The following CLTCL1 variants were observed in gnomAD, a reference collection of about 807,000 sequenced individuals.
CLTCL1 encodes clathrin heavy chain like 1.
Under a neutral mutation model 190.0 loss-of-function variants are expected in CLTCL1, and 159 were observed. That is an observed-to-expected ratio of 0.84 (90% confidence interval 0.74 to 0.95). The LOEUF (loss-of-function observed/expected upper bound fraction) is 0.95. Ranked by LOEUF, CLTCL1 falls within the 40% of genes least tolerant of loss-of-function variation. CLTCL1 has a pLI of 0.00. For missense variants in CLTCL1, 1,878 were observed against 2,033.4 expected (o/e 0.92, Z 1.47); for synonymous variants, 752 against 769.6 (o/e 0.98, Z 0.38).
chr22:19,251,692 G>A (rs1555970128), intron 3 of CLTCL1, among the ~76,000 whole-genome samples: 2 of 152,108 alleles, frequency 1.3e-5, no homozygotes, highest in African/African-American at 2.4e-5. Context: ...TCCTGACCTC[G>A]TGATCCGCCC....
Position 19,196,511 on chromosome 22 carries a change from C to A in CLTCL1, c.4019G>T (p.Trp1340Leu), listed in dbSNP as rs572567479. 1 of 1,614,066 alleles carries A rather than the reference C, an allele frequency of 6.2e-7. No homozygotes were observed. Among genetic ancestry groups the A allele is most frequent in the Admixed American group, 1.7e-5 (1 of 60,028 alleles). The change falls in exon 25 of 33, where the codon TGG (tryptophan) becomes TTG (leucine). Residue 1340 changes from tryptophan to leucine, a missense_variant. Trp to Leu is a moderately conservative substitution (Grantham distance 61). Coordinates refer to ENST00000427926, the MANE Select transcript of CLTCL1 (RefSeq NM_007098.4). ...TACCTTTGGGATGTTGACACGGGAC[C>A]AGAAAAGCTCCAGATGCTCCAGCAT... ...QKMLEHLELF[W>L]SRVNIPKVLR...
intron 1 of CLTCL1, among the ~76,000 whole-genome samples, chr22:19,281,471 C>A (rs1601734647): frequency 6.6e-6 from 1 of 152,112 alleles, no homozygotes; most frequent in African/African-American, 2.4e-5. Context: ...ACAAAGAGTT[C>A]TCTCTTGGTG....
chr22:19,201,984 T>C (rs980237504), intron 22 of CLTCL1, among the ~76,000 whole-genome samples: 2 of 152,080 alleles, frequency 1.3e-5, no homozygotes, highest in Admixed American at 6.5e-5. Context: ...GTCACTGCCA[T>C]AGCCACACCT....
Position 19,179,897 on chromosome 22 carries a change from T to G in CLTCL1, c.*93A>C. 2.2e-6 allele frequency: 1 copy of G among 446,166 alleles called. No homozygotes were observed. The highest frequency in any genetic ancestry group is 4.1e-6 in the Non-Finnish European group (1 of 245,796). 27.6% of individuals were successfully genotyped at this position (446,166 alleles called of 1,614,324 possible). On this transcript the variant is annotated 3_prime_UTR_variant, in exon 33 of 33. Coordinates refer to ENST00000427926, the MANE Select transcript of CLTCL1 (RefSeq NM_007098.4). ...CCCACTACACGCGGAAGTTGTACAT[T>G]GGAGGCTGGCGAAGTTGGGAGCAGA...
intron 2 of CLTCL1, among the ~76,000 whole-genome samples, chr22:19,270,026 T>C (rs1212304288): frequency 6.6e-6 from 1 of 150,864 alleles, no homozygotes; most frequent in Non-Finnish European, 1.5e-5. Flanking sequence ...TGAGCATTGA[T>C]AGCAGCAATA....
intron 1 of CLTCL1, among the ~76,000 whole-genome samples, chr22:19,291,244 G>A (rs2088107431): frequency 1.3e-5 from 2 of 152,220 alleles, no homozygotes; most frequent in Non-Finnish European, 2.9e-5. Flanking sequence ...AGGACGCCAA[G>A]GAGGGGCGTG....
At position 19,233,448 on chromosome 22, in the gene CLTCL1, G is replaced by T. The variant is rs76099251; in HGVS notation, c.1342C>A (p.Leu448Ile). 2,623 of 1,613,698 alleles carry T rather than the reference G, an allele frequency of 1.6e-3. 56 individuals carry two copies. The East Asian group carries it at 0.048, about 29-fold the overall frequency. ...TTATCTTCTTTCAGCCACTTCTCTA[G>T]GAGTTGCTTACGCCCCTGCTGAAGA... Reference protein sequence around the residue: ...LVLQQGRKQLLEKWLKEDKLE... With the variant: ...LVLQQGRKQLIEKWLKEDKLE... The change falls in exon 8 of 33, where the codon CTA becomes ATA. Residue 448 changes from leucine to isoleucine, a missense_variant. By Grantham distance (5) the Leu-to-Ile change is conservative (BLOSUM62 2). Transcript: ENST00000427926.
chr22:19,180,698 C>T (rs782758413), intron 31 of CLTCL1, 33 bp downstream of exon 31: 4 of 1,611,056 alleles, frequency 2.5e-6, no homozygotes, highest in South Asian at 1.1e-5. Flanking sequence ...CTGCTCCCTC[C>T]CCAGGGGGTT....
At chr22:19,264,247 TAA>T (rs34703407) in intron 2 of CLTCL1, among the ~76,000 whole-genome samples, 26 of 137,468 alleles carry the variant, frequency 1.9e-4, no homozygotes, top group Admixed American at 6.6e-4. Flanking sequence ...TACAGTCTCT[TAA>T]AAAAAAAAAA....
At chr22:19,247,711 C>A (rs1555968518) in intron 3 of CLTCL1, among the ~76,000 whole-genome samples, 1 of 151,942 alleles carries the variant, frequency 6.6e-6, no homozygotes, top group African/African-American at 2.4e-5. Flanking sequence ...CAGGCACATG[C>A]CACAACTCTC....
intron 2 of CLTCL1, chr22:19,257,711 G>A (rs2086807268): frequency 1.9e-6 from 2 of 1,049,524 alleles, no homozygotes; most frequent in South Asian, 1.2e-5. Flanking sequence ...CCAGGGCCCT[G>A]GCCACTGGGA....
Position 19,263,567 on chromosome 22 carries a change from C to T in CLTCL1, c.251-9340G>A, listed in dbSNP as rs5748082. On this transcript the variant is annotated intron_variant, in intron 2 of 32. Transcript: ENST00000427926. The stretch of plus-strand genomic sequence containing the variant: ...AGGCTGGGACTACAGGCAACCGCCA[C>T]CACGCCCAGCTAATTTTTGGGTTTT... Among the ~76,000 whole-genome samples, 1,435 of 152,228 alleles carry T rather than the reference C, an allele frequency of 9.4e-3. 35 individuals carry two copies. The highest frequency in any genetic ancestry group is 0.069 in the East Asian group (356 of 5,178).
At position 19,198,985 on chromosome 22, in the gene CLTCL1, T is replaced by C. The variant is rs1427507933; in HGVS notation, c.3873+749A>G. Among the ~76,000 whole-genome samples the C allele has an allele frequency of 6.6e-6, 1 of 152,128 alleles. No individual in the cohort carries two copies. The highest frequency in any genetic ancestry group is 1.5e-5 in the Non-Finnish European group (1 of 68,034). ...CGCCTCTCTGGGGGTGGGAAAGCAT[T>C]TCTCATTGAAAAGCCATCACACCCA... On this transcript the variant is annotated intron_variant, in intron 24 of 32. Coordinates refer to ENST00000427926, the MANE Select transcript of CLTCL1 (RefSeq NM_007098.4). The surrounding 1 kb of genome is among the most constrained non-coding windows in gnomAD (Gnocchi z 4.1).
intron 26 of CLTCL1, among the ~76,000 whole-genome samples, chr22:19,191,795 G>A (rs1555932369): frequency 6.6e-6 from 1 of 152,182 alleles, no homozygotes; most frequent in Non-Finnish European, 1.5e-5. Flanking sequence ...TTCCATCCAA[G>A]CAAGATTACT....
intron 11 of CLTCL1, among the ~76,000 whole-genome samples, chr22:19,229,093 T>C (rs782174870): frequency 1.7e-4 from 26 of 152,190 alleles, no homozygotes; most frequent in Non-Finnish European, 3.2e-4. Flanking sequence ...TCTGGATATA[T>C]GCCCAAAAGA....
At chr22:19,252,608 T>A (rs923707712) in intron 3 of CLTCL1, among the ~76,000 whole-genome samples, 1 of 152,178 alleles carries the variant, frequency 6.6e-6, no homozygotes, top group Non-Finnish European at 1.5e-5. Flanking sequence ...CCTTCCCCAC[T>A]AGGCTATAGA....
rs782089790 is a variant in CLTCL1, at chr22:19,216,217, CTTCAGGA to C, written c.2952_2958del (p.Asp984GlufsTer11). 1 of 1,614,006 alleles carries C rather than the reference CTTCAGGA, an allele frequency of 6.2e-7. No homozygotes were observed. The highest frequency in any genetic ancestry group is 1.7e-5 in the Admixed American group (1 of 60,026). Reference sequence around the variant, plus strand: ...AAGGCTTTGACAGTGACCGAAATCTCTTCAGGATCCCGTGTTTCTGACAATGCTGTCT... The same window carrying C: ...AAGGCTTTGACAGTGACCGAAATCTCTCCCGTGTTTCTGACAATGCTGTCT... On this transcript the variant is annotated frameshift_variant, in exon 19 of 33. Transcript: ENST00000427926. LOFTEE classifies it high-confidence loss of function.
chr22:19,207,592 G>A (rs191907940), intron 22 of CLTCL1: 72 of 405,212 alleles, frequency 1.8e-4, no homozygotes, highest in Non-Finnish European at 2.7e-4. Flanking sequence ...CCCATGCCAC[G>A]GACCGCTGCT....
intron 5 of CLTCL1, 85 bp from the exon 6 acceptor site, chr22:19,235,954 T>C (rs2086069798): frequency 1.7e-6 from 2 of 1,174,834 alleles, no homozygotes; most frequent in Non-Finnish European, 2.4e-6. Context: ...ATAAAGAGGA[T>C]TCTTGTTTGT....
Sources: gnomAD v4.1 joint callset for allele counts (sites outside exome capture counted in the v4.1 genomes callset) on GRCh38, gnomAD v4.1.1 for gene constraint, Gnocchi (gnomAD v3.1) non-coding constraint, MANE v1.5 for transcripts, NCBI Gene and HGNC (gene_info 2026-07-23, HGNC 2026-07-21) for gene names.